Variants in PHIP observed in about 807,000 individuals in gnomAD.
The protein encoded by PHIP is PHIP subunit of CUL4-Ring ligase complex, also known as PH-interacting protein.
A neutral mutation model predicts 236.8 loss-of-function variants in PHIP; 54 were observed. The ratio of observed to expected loss-of-function variants is 0.23; its 90% CI spans 0.18 to 0.29. PHIP has a LOEUF of 0.29. PHIP is among the 10% of genes least tolerant of loss of function. The pLI, the probability that PHIP is intolerant of heterozygous loss-of-function variation, is 1.00. For synonymous variants in PHIP, 756 were observed against 718.9 expected (o/e 1.05, Z -0.83); for missense variants, 1,370 against 2,190.8 (o/e 0.63, Z 7.48).
intron 35 of PHIP, 77 bp from the exon 36 acceptor site, chr6:78,947,852 G>T: frequency 2.1e-6 from 2 of 933,710 alleles, no homozygotes; most frequent in South Asian, 1.7e-5. Context: ...ATTCGCACAG[G>T]ATTTTTATGA....
intron 7 of PHIP, among the ~76,000 whole-genome samples, chr6:79,037,257 CA>C (rs1157340197): frequency 2.6e-5 from 4 of 152,136 alleles, no homozygotes; most frequent in Non-Finnish European, 5.9e-5. Flanking sequence ...ATAAAGAATA[CA>C]GGCCTTACAA....
At position 78,940,152 on chromosome 6, in the gene PHIP, CTG is replaced by C. The variant is rs886467178; in HGVS notation, c.*539_*540del. The C allele has an allele frequency of 6.6e-5, 10 of 152,032 alleles. No individual in the cohort carries two copies. The highest frequency in any genetic ancestry group is 1.0e-4 in the Non-Finnish European group (7 of 67,902). The allele number at this position is 152,032 out of a possible 1,614,324, so 9.4% of individuals were successfully genotyped here. ...TGAACATTCTATAATTAAAATTAAA[CTG>C]TTTAGGGTATCAAATGGTGGAAATT... On this transcript the variant is annotated 3_prime_UTR_variant, in exon 40 of 40. Coordinates refer to ENST00000275034, the MANE Select transcript of PHIP (RefSeq NM_017934.7).
intron 4 of PHIP, among the ~76,000 whole-genome samples, chr6:79,069,457 T>C (rs371658632): frequency 9.2e-5 from 14 of 151,996 alleles, no homozygotes; most frequent in East Asian, 3.8e-4. Flanking sequence ...TTTATCTTCA[T>C]AAGCACATAA....
intron 31 of PHIP, 91 bp downstream of exon 31, chr6:78,961,599 C>G: frequency 3.0e-6 from 4 of 1,321,538 alleles, no homozygotes; most frequent in African/African-American, 1.5e-5. Flanking sequence ...TTCCTATATA[C>G]AAAAAGTTGA....
intron 39 of PHIP, 145 bp downstream of exon 39, chr6:78,945,155 C>T: frequency 3.2e-6 from 2 of 629,522 alleles, no homozygotes; most frequent in Non-Finnish European, 5.7e-6. Flanking sequence ...ACAATAATAG[C>T]TCATTGCAGT....
chr6:79,028,084 T>C lies in PHIP; in HGVS notation c.601-1920A>G, dbSNP rs528588776. 3.3e-5 allele frequency among the ~76,000 whole-genome samples: 5 copies of C among 152,268 alleles called. No individual in the cohort carries two copies. In the South Asian group the frequency reaches 1.0e-3, roughly 32 times the overall value. On this transcript the variant is annotated intron_variant, in intron 7 of 39. Transcript: ENST00000275034. ...CATTCCATAATGTGACTATAAAGTA[T>C]GGTCAAAAGCATGAAAATGTGAAAC...
At chr6:78,997,667 G>C in intron 18 of PHIP, 70 bp from the exon 19 acceptor site, 14 of 1,173,740 alleles carry the variant, frequency 1.2e-5, no homozygotes, top group Non-Finnish European at 1.7e-5. Context: ...ACAGAAAAAA[G>C]AGATAAAACA....
intron 30 of PHIP, 96 bp from the exon 31 acceptor site, chr6:78,961,906 T>A: frequency 1.1e-6 from 1 of 879,184 alleles, no homozygotes; most frequent in Non-Finnish European, 1.7e-6. Flanking sequence ...AGTCCTAATC[T>A]ACATAATCAT....
At chr6:78,967,181 G>A (rs1767197699) in intron 27 of PHIP, among the ~76,000 whole-genome samples, 2 of 152,016 alleles carry the variant, frequency 1.3e-5, no homozygotes, top group Admixed American at 1.3e-4. Flanking sequence ...GAAAAACAAG[G>A]TAAAAGAATA....
intron 29 of PHIP, among the ~76,000 whole-genome samples, chr6:78,963,823 G>A (rs1387054445): frequency 6.6e-6 from 1 of 152,134 alleles, no homozygotes; most frequent in Non-Finnish European, 1.5e-5. Flanking sequence ...AAACGTGCTA[G>A]GTAATTTTTC....
chr6:78,945,810 C>G, intron 38 of PHIP, 191 bp downstream of exon 38: 1 of 606,346 alleles, frequency 1.6e-6, no homozygotes. Flanking sequence ...AAGCATTAGT[C>G]TATAATGACC....
intron 4 of PHIP, among the ~76,000 whole-genome samples, chr6:79,077,078 G>A (rs1261512809): frequency 6.6e-6 from 1 of 152,058 alleles, no homozygotes; most frequent in African/African-American, 2.4e-5. Flanking sequence ...GCGAACGAGC[G>A]AGCGCGCTCT....
intron 10 of PHIP, among the ~76,000 whole-genome samples, chr6:79,017,883 A>C (rs1192468499): frequency 6.6e-6 from 1 of 151,976 alleles, no homozygotes; most frequent in Non-Finnish European, 1.5e-5. Context: ...CCTTCACTAG[A>C]AAATATTTCT....
rs536693343 is a variant in PHIP at position 78,998,147 on chromosome 6, T to C, written c.2017+107A>G. On this transcript the variant is annotated intron_variant, in intron 18 of 39. Coordinates refer to ENST00000275034, the MANE Select transcript of PHIP (RefSeq NM_017934.7). ...CATGATCATTTTGGCAACCTAATAT[T>C]TCATTTTACGGATGTACCATAATTT... The C allele has an allele frequency of 9.0e-6, 7 of 775,968 alleles. No individual in the cohort carries two copies. The African/African-American group carries it at 1.2e-4, about 14-fold the overall frequency. The allele number at this position is 775,968 out of a possible 1,614,324, so 48.1% of individuals were successfully genotyped here. A position where few individuals can be genotyped will look rare whatever the true frequency, so the allele number is the denominator to read the frequency against.
chr6:79,010,935 C>A (rs539741542), intron 15 of PHIP, among the ~76,000 whole-genome samples: 1 of 151,980 alleles, frequency 6.6e-6, no homozygotes, highest in East Asian at 1.9e-4. Flanking sequence ...TATTTAGGAA[C>A]ATTTAAGGTT....
intron 2 of PHIP, 32 bp from the exon 3 acceptor site, chr6:79,077,761 C>A (rs1248059890): frequency 1.0e-6 from 1 of 982,722 alleles, no homozygotes. Flanking sequence ...AGCTGAGCCC[C>A]GCGCCCCGGG....
intron 4 of PHIP, among the ~76,000 whole-genome samples, chr6:79,077,124 G>C (rs1774207904): frequency 6.6e-6 from 1 of 151,816 alleles, no homozygotes; most frequent in African/African-American, 2.4e-5. Context: ...GCCGACTCTC[G>C]CGCGCCCCCG....
intron 23 of PHIP, among the ~76,000 whole-genome samples, chr6:78,980,597 G>A (rs939665689): frequency 3.9e-5 from 6 of 152,052 alleles, no homozygotes; most frequent in Admixed American, 2.0e-4. Flanking sequence ...AATAAGTTTT[G>A]TAGGTGTTGG....
rs960262785 is a variant in PHIP, at chr6:78,938,535, C to G, written c.*2158G>C. ...TTACATATTTCAAATAGATTGCCTT[C>G]AAAAGCAACTAATTAATGACAAATT... On this transcript the variant is annotated 3_prime_UTR_variant, in exon 40 of 40. Transcript: ENST00000275034. The G allele has an allele frequency of 4.6e-5, 7 of 151,494 alleles. No individual in the cohort carries two copies. The highest frequency in any genetic ancestry group is 1.7e-4 in the African/African-American group (7 of 41,358). The allele number at this position is 151,494 out of a possible 1,614,324, so 9.4% of individuals were successfully genotyped here.
Sources: allele counts gnomAD v4.1 joint callset (sites outside exome capture counted in the v4.1 genomes callset), GRCh38; gene constraint gnomAD v4.1.1; transcripts MANE v1.5; gene names NCBI Gene and HGNC (gene_info 2026-07-23, HGNC 2026-07-21).